Variants in TRPM5 observed in about 807,000 individuals in gnomAD.
TRPM5 encodes the protein MLSN1 and TRP-related.
A neutral mutation model predicts 124.9 loss-of-function variants in TRPM5; 121 were observed. The ratio of observed to expected loss-of-function variants is 0.97; its 90% CI spans 0.84 to 1.13. The LOEUF (loss-of-function observed/expected upper bound fraction) is 1.13. Among genes scored for constraint, TRPM5 ranks in the 50% most tolerant of loss-of-function variants. TRPM5 has a pLI of 0.00. For missense variants in TRPM5, 1,643 were observed against 1,589.1 expected (o/e 1.03, Z -0.58); for synonymous variants, 781 against 700.5 (o/e 1.11, Z -1.81).
exon 16 of TRPM5, chr11:2,412,221 C>T (rs766954355): frequency 1.2e-6 from 2 of 1,613,414 alleles, no homozygotes; most frequent in East Asian, 2.2e-5. Flanking sequence ...TGAACTTCTT[C>T]ACCAGGTGTG....
intron 18 of TRPM5, among the ~76,000 whole-genome samples, chr11:2,409,935 C>A (rs1401721532): frequency 1.3e-5 from 2 of 152,210 alleles, no homozygotes; most frequent in African/African-American, 4.8e-5. Flanking sequence ...CCAGGCCTGT[C>A]TCCTCATACG....
At chr11:2,442,845 C>A in the TRPM5 span, among the ~76,000 whole-genome samples, 2 of 152,154 alleles carry the variant, frequency 1.3e-5, no homozygotes, top group Non-Finnish European at 2.9e-5. This position sits in a 1 kb window ranked among gnomAD's most constrained non-coding sequence, Gnocchi z 5.9. Context: ...TTCATAAGTG[C>A]AAAGGTCATG....
chr11:2,434,803 C>T, the TRPM5 span, among the ~76,000 whole-genome samples: 128 of 152,032 alleles, frequency 8.4e-4, no homozygotes, highest in Non-Finnish European at 3.4e-4. Flanking sequence ...GAGCATTGGG[C>T]CAGGAGGACC....
At chr11:2,414,024 C>A (rs1850512801) in intron 12 of TRPM5, 37 bp downstream of exon 17, 2 of 1,539,892 alleles carry the variant, frequency 1.3e-6, no homozygotes, top group Non-Finnish European at 1.8e-6. Flanking sequence ...CCCACCCCAC[C>A]CCCTGGCAGC....
intron 12 of TRPM5, 52 bp downstream of exon 17, chr11:2,414,009 G>GGGGGCGCCCCCCCCCC: frequency 9.8e-6 from 10 of 1,023,726 alleles, no homozygotes; most frequent in Non-Finnish European, 1.1e-5. Flanking sequence ...GGCCCAGCTC[G>GGGGGCGCCCCCCCCCC]CCCGCCCACC....
At chr11:2,422,935 C>T in exon 1 of TRPM5, 4 of 1,613,324 alleles carry the variant, frequency 2.5e-6, no homozygotes, top group Non-Finnish European at 3.4e-6. Flanking sequence ...CTCGCTTCTT[C>T]CCAGACCCTC....
intron 18 of TRPM5, 139 bp from the exon 24 acceptor site, chr11:2,408,051 G>A: frequency 8.7e-7 from 1 of 1,150,822 alleles, no homozygotes; most frequent in Non-Finnish European, 1.2e-6. Context: ...CACTGTCCCA[G>A]TTCACCCAGG....
chr11:2,414,247 G>T (rs1228314507), intron 11 of TRPM5, 41 bp from the exon 17 acceptor site: 1 of 1,578,048 alleles, frequency 6.3e-7, no homozygotes, highest in South Asian at 1.2e-5. Context: ...AGACGCCGAT[G>T]CCCGGCCCGG....
At chr11:2,428,243 G>C in the TRPM5 span, among the ~76,000 whole-genome samples, 1 of 152,186 alleles carries the variant, frequency 6.6e-6, no homozygotes, top group Non-Finnish European at 1.5e-5. The surrounding 1 kb of genome is among the most constrained non-coding windows in gnomAD (Gnocchi z 4.0). Context: ...GGATACCTCT[G>C]TGTGCCCCTT....
chr11:2,414,496 T>C (rs562029946), intron 11 of TRPM5, among the ~76,000 whole-genome samples: 1 of 152,286 alleles, frequency 6.6e-6, no homozygotes, highest in South Asian at 2.1e-4. Context: ...TGAGGCTGTA[T>C]CGTCCTCACC....
chr11:2,417,009 A>G (rs1256978629), intron 7 of TRPM5, among the ~76,000 whole-genome samples: 3 of 152,194 alleles, frequency 2.0e-5, no homozygotes, highest in Admixed American at 6.5e-5. Flanking sequence ...CCCGTCAGCA[A>G]ATCTATAGAG....
At chr11:2,442,559 G>A in the TRPM5 span, among the ~76,000 whole-genome samples, 2 of 151,820 alleles carry the variant, frequency 1.3e-5, no homozygotes, top group Non-Finnish European at 2.9e-5. The surrounding 1 kb of genome is among the most constrained non-coding windows in gnomAD (Gnocchi z 5.9). Context: ...TATAAAAAAT[G>A]CTGTTTTGAC....
exon 2 of TRPM5, chr11:2,422,299 A>G (rs1462246566): frequency 2.5e-6 from 4 of 1,609,664 alleles, no homozygotes; most frequent in Non-Finnish European, 3.4e-6. Flanking sequence ...AGACGGGGCC[A>G]CTCCGCTCGG....
rs1014597477 is a variant in TRPM5 at position 2,405,462 on chromosome 11, C to T, written c.3391+65G>A. The T allele has an allele frequency of 6.0e-6, 9 of 1,491,224 alleles. No individual in the cohort carries two copies. The African/African-American group carries it at 1.3e-4, about 21-fold the overall frequency. 92.4% of individuals were successfully genotyped at this position (1,491,224 alleles called of 1,614,324 possible). On this transcript the variant is annotated intron_variant, in intron 23 of 23. Coordinates refer to ENST00000155858, the Ensembl canonical transcript of TRPM5. ...CAGAGCACACAGCACAGCCTACGGC[C>T]CCCCAGCCGCTGCAGAGTGGGTGCC...
intron 7 of TRPM5, 120 bp downstream of exon 12, chr11:2,417,607 T>C (rs1465227361): frequency 2.6e-5 from 19 of 719,580 alleles, no homozygotes. Flanking sequence ...GTGTCATCTT[T>C]CCTGGGAAGG....
chr11:2,415,581 G>C, intron 8 of TRPM5, 110 bp from the exon 14 acceptor site: 1 of 764,116 alleles, frequency 1.3e-6, no homozygotes, highest in Admixed American at 2.9e-5. Context: ...CATCCCCAGG[G>C]CCAGGTCACG....
At chr11:2,429,513 G>A in the TRPM5 span, among the ~76,000 whole-genome samples, 1 of 151,632 alleles carries the variant, frequency 6.6e-6, no homozygotes, top group African/African-American at 2.4e-5. This position sits in a 1 kb window ranked among gnomAD's most constrained non-coding sequence, Gnocchi z 8.4. Flanking sequence ...TGATGGTGTG[G>A]TACGATGGTG....
intron 23 of TRPM5, among the ~76,000 whole-genome samples, 193 bp downstream of exon 28, chr11:2,405,334 C>T (rs531992318): frequency 1.8e-4 from 28 of 152,344 alleles, no homozygotes; most frequent in Admixed American, 8.5e-4. Context: ...GAAGCACATT[C>T]GGCCCTGGCC....
intron 1 of TRPM5, 109 bp from the exon 7 acceptor site, chr11:2,422,430 GGGGACACT>G: frequency 1.2e-6 from 1 of 829,380 alleles, no homozygotes; most frequent in Non-Finnish European, 1.8e-6. Context: ...CTGAGCATGG[GGGGACACT>G]GGGCACTGGG....
Sources: gnomAD v4.1 joint callset for allele counts (sites outside exome capture counted in the v4.1 genomes callset) on GRCh38, gnomAD v4.1.1 for gene constraint, Gnocchi (gnomAD v3.1) non-coding constraint, MANE v1.5 for transcripts, NCBI Gene and HGNC (gene_info 2026-07-23, HGNC 2026-07-21) for gene names.